The following DNM2 variants were observed in gnomAD, a reference collection of about 807,000 sequenced individuals.
DNM2 encodes the protein dynamin-2.
In DNM2, 15 loss-of-function variants were observed where a neutral mutation model predicts 99.0. That is an observed-to-expected ratio of 0.15 (90% CI 0.10 to 0.23). DNM2 has a LOEUF of 0.23. Among genes scored for constraint, DNM2 ranks in the 10% least tolerant of loss-of-function variants. The pLI is 1.00. For missense variants in DNM2, 742 were observed against 1,189.4 expected (o/e 0.62, Z 5.53); for synonymous variants, 525 against 481.2 (o/e 1.09, Z -1.19).
chr19:10,789,552 G>C (rs777428218), intron 7 of DNM2, among the ~76,000 whole-genome samples: 4 of 151,988 alleles, frequency 2.6e-5, no homozygotes, highest in Non-Finnish European at 5.9e-5. Flanking sequence ...AAAAAATTAG[G>C]CTGGGGACGA....
Position 10,772,743 on chromosome 19 carries a change from T to C in DNM2, c.385+115T>C. 6.7e-7 allele frequency: 1 copy of C among 1,483,438 alleles called. No individual in the cohort carries two copies. The highest frequency in any genetic ancestry group is 1.2e-5 in the South Asian group (1 of 84,494). 91.9% of individuals were successfully genotyped at this position (1,483,438 alleles called of 1,614,324 possible). A position where few individuals can be genotyped will look rare whatever the true frequency, so the allele number is the denominator to read the frequency against. On this transcript the variant is annotated intron_variant, in intron 3 of 20. Transcript: ENST00000389253. The surrounding 1 kb of genome is among the most constrained non-coding windows in gnomAD (Gnocchi z 4.9). ...GTATCATGTGCCCATTCACAAACAG[T>C]TGATATTCACACACACATAGCCCCT...
rs944907266 is a variant in DNM2 at position 10,811,301 on chromosome 19, G to C, written c.1558-963G>C. 5.0e-6 allele frequency: 1 copy of C among 199,984 alleles called. No individual in the cohort carries two copies. The highest frequency in any genetic ancestry group is 1.0e-5 in the Non-Finnish European group (1 of 95,494). The allele number at this position is 199,984 out of a possible 1,614,324, so 12.4% of individuals were successfully genotyped here. ...GGTTCAGAATGTCAGGCCCGGGGTG[G>C]GTCGGGGTAGTCCGGATGAAGCCCC... On this transcript the variant is annotated intron_variant, in intron 14 of 20. Transcript: ENST00000389253. The surrounding 1 kb of genome is among the most constrained non-coding windows in gnomAD (Gnocchi z 5.4).
intron 1 of DNM2, among the ~76,000 whole-genome samples, chr19:10,723,863 G>A (rs549497179): frequency 2.0e-5 from 3 of 152,108 alleles, no homozygotes; most frequent in South Asian, 2.1e-4. Context: ...GGATCCAGGC[G>A]GGAGGATCAC....
chr19:10,720,320 C>A (rs1478960024), intron 1 of DNM2, among the ~76,000 whole-genome samples: 1 of 151,364 alleles, frequency 6.6e-6, no homozygotes, highest in African/African-American at 2.4e-5. Context: ...TCAGGCCATT[C>A]TTCTGCCTCA....
At position 10,718,390 on chromosome 19, in the gene DNM2, A is replaced by G; in HGVS notation, c.148A>G (p.Asn50Asp). Reference protein sequence around the residue: ...QSAGKSSVLENFVGRDFLPRG... With the variant: ...QSAGKSSVLEDFVGRDFLPRG... ...CGCCGGCAAGAGCTCGGTGCTGGAG[A>G]ACTTCGTGGGCCGGTGAGCGGGCGC... Residue 50 changes from asparagine (N) to aspartate (D), a missense_variant, in exon 1 of 21, where the codon AAC (asparagine) becomes GAC (aspartate). By Grantham distance (23) the Asn-to-Asp change is conservative. Transcript: ENST00000389253. 1 of 1,487,584 alleles carries G rather than the reference A, an allele frequency of 6.7e-7. No individual in the cohort carries two copies. Among genetic ancestry groups the G allele is most frequent in the Non-Finnish European group, 8.9e-7 (1 of 1,117,840 alleles). 92.1% of individuals were successfully genotyped at this position (1,487,584 alleles called of 1,614,324 possible).
At chr19:10,802,654 C>G (rs1466682824) in intron 12 of DNM2, 3 of 476,084 alleles carry the variant, frequency 6.3e-6, no homozygotes, top group Admixed American at 6.5e-5. Context: ...GCTGCACCCC[C>G]TCTCCTTCAG....
At chr19:10,754,259 CTT>C (rs35844438) in intron 1 of DNM2, among the ~76,000 whole-genome samples, 10 of 142,054 alleles carry the variant, frequency 7.0e-5, no homozygotes, top group Admixed American at 1.4e-4. Flanking sequence ...TCGCTTAAGT[CTT>C]TTTTTTTTTT....
rs150200077 is a variant in DNM2 at position 10,801,179 on chromosome 19, G to A, written c.1423-1109G>A. ...AAATTAGCCAGGTGGTGTGGCGTGCGCCTGTGGTCTCAGCTACTCGGAAGA... is the reference window on the plus strand; with the variant it reads ...AAATTAGCCAGGTGGTGTGGCGTGCACCTGTGGTCTCAGCTACTCGGAAGA... On this transcript the variant is annotated intron_variant, in intron 11 of 20. Coordinates refer to ENST00000389253, the MANE Select transcript of DNM2 (RefSeq NM_001005361.3). Among the ~76,000 whole-genome samples, 513 of 152,238 alleles carry A rather than the reference G, an allele frequency of 3.4e-3. 4 individuals carry two copies. The highest frequency in any genetic ancestry group is 0.011 in the African/African-American group (472 of 41,536).
chr19:10,800,969 A>G (rs1417204084), intron 11 of DNM2, among the ~76,000 whole-genome samples: 1 of 152,222 alleles, frequency 6.6e-6, no homozygotes, highest in Non-Finnish European at 1.5e-5. Context: ...TGGACAAATT[A>G]GCTTCGCAGT....
At chr19:10,746,740 T>G (rs940554894) in intron 1 of DNM2, among the ~76,000 whole-genome samples, 62 of 145,086 alleles carry the variant, frequency 4.3e-4, no homozygotes, top group Middle Eastern at 6.9e-3. Flanking sequence ...TTTTGTTTTT[T>G]TTTTTTTTGA....
chr19:10,744,774 C>T (rs2069901541), intron 1 of DNM2, among the ~76,000 whole-genome samples: 1 of 152,140 alleles, frequency 6.6e-6, no homozygotes, highest in Non-Finnish European at 1.5e-5. Context: ...AGAGACTTTG[C>T]TAACAAGGTC....
rs941820920 is a variant in DNM2, at chr19:10,830,690, G to A, written c.2544-288G>A. 3.9e-5 allele frequency among the ~76,000 whole-genome samples: 6 copies of A among 152,070 alleles called. No homozygotes were observed. The highest frequency in any genetic ancestry group is 7.4e-5 in the Non-Finnish European group (5 of 68,012). ...CACTGTTTACCTTCTTCTCCTTCCT[G>A]CTCCTGCCTGCCTCAACCTACCGTG... On this transcript the variant is annotated intron_variant, in intron 20 of 20. Coordinates refer to ENST00000389253, the MANE Select transcript of DNM2 (RefSeq NM_001005361.3). This position sits in a 1 kb window ranked among gnomAD's most constrained non-coding sequence, Gnocchi z 4.8.
At chr19:10,719,447 C>T (rs1599405282) in intron 1 of DNM2, among the ~76,000 whole-genome samples, 1 of 152,152 alleles carries the variant, frequency 6.6e-6, no homozygotes, top group Admixed American at 6.6e-5. Flanking sequence ...CAGTGGCTAG[C>T]GCTGGGATGT....
rs1225246132 is a variant in DNM2, at chr19:10,775,239, G to A, written c.386-464G>A. ...TGGGAGTACAAGTGTGTGCTACCAC[G>A]CCCAGCTAATTTTTGTATACTTAGT... On this transcript the variant is annotated intron_variant, in intron 3 of 20. Transcript: ENST00000389253. This position sits in a 1 kb window ranked among gnomAD's most constrained non-coding sequence, Gnocchi z 4.3. 2.0e-5 allele frequency among the ~76,000 whole-genome samples: 3 copies of A among 151,844 alleles called. No individual in the cohort carries two copies. Among genetic ancestry groups the A allele is most frequent in the Non-Finnish European group, 4.4e-5 (3 of 67,986 alleles).
At chr19:10,753,368 C>G (rs2070266463) in intron 1 of DNM2, among the ~76,000 whole-genome samples, 1 of 151,540 alleles carries the variant, frequency 6.6e-6, no homozygotes, top group Non-Finnish European at 1.5e-5. Context: ...AGACTTTCTT[C>G]TGTACCTTTT....
chr19:10,830,964 T>TA lies in DNM2; in HGVS notation c.2544-13dup, dbSNP rs756574121. On this transcript the variant is annotated splice_polypyrimidine_tract_variant and intron_variant, in intron 20 of 20. Coordinates refer to ENST00000389253, the MANE Select transcript of DNM2 (RefSeq NM_001005361.3). This position sits in a 1 kb window ranked among gnomAD's most constrained non-coding sequence, Gnocchi z 4.8. ...CCGTCTCCCCCTCCCCACCTGTCTTTATTCTCTTTGCAGCAGAAGACCCCC... is the reference window on the plus strand; with the variant it reads ...CCGTCTCCCCCTCCCCACCTGTCTTTAATTCTCTTTGCAGCAGAAGACCCCC... 3.1e-6 allele frequency: 5 copies of TA among 1,609,970 alleles called. No homozygotes were observed. The African/African-American group carries it at 6.7e-5, about 22-fold the overall frequency.
At chr19:10,749,540 G>A (rs539366085) in intron 1 of DNM2, among the ~76,000 whole-genome samples, 4 of 152,346 alleles carry the variant, frequency 2.6e-5, no homozygotes, top group East Asian at 1.9e-4. Context: ...GTGGCAGACT[G>A]GAAGTGTCCT....
intron 12 of DNM2, among the ~76,000 whole-genome samples, chr19:10,802,895 C>G (rs979253049): frequency 2.0e-5 from 3 of 152,232 alleles, no homozygotes; most frequent in Non-Finnish European, 4.4e-5. Flanking sequence ...ATTCAGTGTG[C>G]GTGGTCTCAG....
chr19:10,759,644 T>C (rs1366236219), intron 1 of DNM2, 94 bp from the exon 2 acceptor site: 23 of 1,530,508 alleles, frequency 1.5e-5, no homozygotes, highest in Non-Finnish European at 2.7e-6. Flanking sequence ...GTCGCCCAAA[T>C]TGCAAGACAG....
Sources: gnomAD v4.1 joint callset for allele counts (sites outside exome capture counted in the v4.1 genomes callset) on GRCh38, gnomAD v4.1.1 for gene constraint, Gnocchi (gnomAD v3.1) non-coding constraint, MANE v1.5 for transcripts, NCBI Gene and HGNC (gene_info 2026-07-23, HGNC 2026-07-21) for gene names.